Variants in ATP9B observed in about 807,000 individuals in gnomAD.
The protein encoded by ATP9B is probable phospholipid-transporting ATPase IIB.
Under a neutral mutation model 146.1 loss-of-function variants are expected in ATP9B, and 110 were observed. The ratio of observed to expected loss-of-function variants is 0.75; its 90% CI spans 0.65 to 0.88. ATP9B has a LOEUF of 0.88. ATP9B is among the 40% of genes least tolerant of loss of function. The probability of loss-of-function intolerance (pLI) is 0.00; values close to 1 mark genes in which losing one functional copy is unlikely to be tolerated. For missense variants in ATP9B, 1,499 were observed against 1,496.4 expected (o/e 1.00, Z -0.03); for synonymous variants, 604 against 569.7 (o/e 1.06, Z -0.86).
At chr18:79,365,246 G>A (rs1199564642) in intron 26 of ATP9B, among the ~76,000 whole-genome samples, 1 of 152,164 alleles carries the variant, frequency 6.6e-6, no homozygotes, top group African/African-American at 2.4e-5. Context: ...TGGCAAGGAA[G>A]CCTGTGAAGA....
At chr18:79,111,665 CA>C (rs746482065) in intron 3 of ATP9B, among the ~76,000 whole-genome samples, 4 of 152,190 alleles carry the variant, frequency 2.6e-5, no homozygotes, top group Non-Finnish European at 5.9e-5. Flanking sequence ...CAGGTTCAGT[CA>C]GTAGACTGTA....
At chr18:79,071,163 T>TA (rs1020285667) in intron 1 of ATP9B, among the ~76,000 whole-genome samples, 1 of 151,368 alleles carries the variant, frequency 6.6e-6, no homozygotes, top group Non-Finnish European at 1.5e-5. Context: ...CTCTGGGTAT[T>TA]ACAATATACA....
intron 26 of ATP9B, among the ~76,000 whole-genome samples, chr18:79,365,499 T>C (rs1181853301): frequency 6.6e-6 from 1 of 152,278 alleles, no homozygotes; most frequent in African/African-American, 2.4e-5. Flanking sequence ...GTCCTGTTCC[T>C]AGGTATTTCT....
intron 1 of ATP9B, chr18:79,086,534 T>C (rs1292525621): frequency 2.7e-5 from 4 of 147,316 alleles, no homozygotes; most frequent in African/African-American, 1.0e-4. Context: ...TTACACCTAA[T>C]AGTATTAGCA....
At chr18:79,194,967 G>GGAAGTGAC (rs1417850168) in intron 9 of ATP9B, among the ~76,000 whole-genome samples, 2 of 152,192 alleles carry the variant, frequency 1.3e-5, no homozygotes, top group Non-Finnish European at 2.9e-5. Flanking sequence ...AGTACAGGTT[G>GGAAGTGAC]GAAGTGACGT....
intron 15 of ATP9B, among the ~76,000 whole-genome samples, chr18:79,314,407 C>T (rs2096668540): frequency 6.6e-6 from 1 of 152,222 alleles, no homozygotes; most frequent in Admixed American, 6.5e-5. Flanking sequence ...CTTACCTACA[C>T]ATGTGCATAG....
chr18:79,285,929 G>A (rs1246752380), intron 13 of ATP9B, among the ~76,000 whole-genome samples: 1 of 149,856 alleles, frequency 6.7e-6, no homozygotes, highest in Non-Finnish European at 1.5e-5. Context: ...GATAGTTGTA[G>A]ATATGCGGCA....
chr18:79,366,795 A>G (rs2097032313), intron 26 of ATP9B, among the ~76,000 whole-genome samples: 1 of 152,216 alleles, frequency 6.6e-6, no homozygotes, highest in South Asian at 2.1e-4. Context: ...GGTTAATTCC[A>G]GGGCTGAGGC....
chr18:79,200,857 T>C (rs973632275), intron 9 of ATP9B, among the ~76,000 whole-genome samples: 2 of 23,242 alleles, frequency 8.6e-5, no homozygotes, highest in Non-Finnish European at 1.9e-4. Context: ...TCAGTTGCCA[T>C]TGAGGTTCTA....
At chr18:79,186,112 C>T (rs2095306238) in intron 8 of ATP9B, among the ~76,000 whole-genome samples, 2 of 152,084 alleles carry the variant, frequency 1.3e-5, no homozygotes, top group African/African-American at 4.8e-5. Flanking sequence ...TTATTAACAA[C>T]CACAAGGCCA....
At chr18:79,136,239 G>C (rs2094446289) in intron 5 of ATP9B, among the ~76,000 whole-genome samples, 1 of 152,160 alleles carries the variant, frequency 6.6e-6, no homozygotes, top group African/African-American at 2.4e-5. Context: ...CATTGAATCT[G>C]TAAATCCATT....
chr18:79,176,382 A>T (rs997212505), intron 7 of ATP9B, among the ~76,000 whole-genome samples: 7 of 152,232 alleles, frequency 4.6e-5, no homozygotes, highest in African/African-American at 1.7e-4. Flanking sequence ...CTGTGCTTTT[A>T]TGATTGAACA....
At chr18:79,375,875 C>G in intron 29 of ATP9B, 1 of 985,398 alleles carries the variant, frequency 1.0e-6, no homozygotes, top group Non-Finnish European at 1.2e-6. Context: ...TCCCATCCGG[C>G]AACAGTCTAA....
chr18:79,317,651 G>C (rs772863325), intron 15 of ATP9B, among the ~76,000 whole-genome samples: 4 of 152,180 alleles, frequency 2.6e-5, no homozygotes, highest in Admixed American at 2.0e-4. Context: ...TTACTCTAAG[G>C]TCCTTAGAGT....
Position 79,334,939 on chromosome 18 carries a change from G to A in ATP9B, c.2029-1689G>A, listed in dbSNP as rs551327668. ...ACTGCCTTGTTCCGGGTAGGAGAGC[G>A]GGGTGGGTTTGTTTCTTCACCTGCC... is the stretch of plus-strand genomic sequence containing the variant. On this transcript the variant is annotated intron_variant, in intron 17 of 29. Transcript: ENST00000426216. 5.6e-4 allele frequency among the ~76,000 whole-genome samples: 85 copies of A among 152,068 alleles called. 1 individual carries two copies. Among genetic ancestry groups the A allele is most frequent in the East Asian group, 3.7e-3 (19 of 5,184 alleles).
chr18:79,113,751 C>T (rs573789727), intron 4 of ATP9B, among the ~76,000 whole-genome samples: 6 of 152,108 alleles, frequency 3.9e-5, no homozygotes, highest in African/African-American at 1.4e-4. Flanking sequence ...CTGAAGTATC[C>T]AAGTGCAGTA....
intron 13 of ATP9B, among the ~76,000 whole-genome samples, chr18:79,295,280 G>A (rs1305813184): frequency 6.6e-6 from 1 of 152,188 alleles, no homozygotes; most frequent in Non-Finnish European, 1.5e-5. Flanking sequence ...TAAAGCATCA[G>A]AAATACATTG....
chr18:79,071,049 C>CTTTTTTCTTTTTT (rs1555723402), intron 1 of ATP9B, among the ~76,000 whole-genome samples: 26 of 112,370 alleles, frequency 2.3e-4, no homozygotes, highest in African/African-American at 7.7e-4. Context: ...ATTCCTGTTT[C>CTTTTTTCTTTTTT]TTTTTTTTTT....
intron 11 of ATP9B, among the ~76,000 whole-genome samples, chr18:79,225,558 C>A (rs1046574751): frequency 2.6e-5 from 4 of 152,210 alleles, no homozygotes; most frequent in Non-Finnish European, 4.4e-5. Flanking sequence ...TGTAGGACGG[C>A]CACTGTCTTC....
Sources: allele counts gnomAD v4.1 joint callset (sites outside exome capture counted in the v4.1 genomes callset), GRCh38; gene constraint gnomAD v4.1.1; transcripts MANE v1.5; gene names NCBI Gene and HGNC (gene_info 2026-07-23, HGNC 2026-07-21).